The following SNTG1 variants were observed in gnomAD, a reference collection of about 807,000 sequenced individuals.
SNTG1 encodes the protein syntrophin gamma 1.
In SNTG1, 39 loss-of-function variants were observed where a neutral mutation model predicts 74.7. The observed-to-expected ratio is 0.52, with a 90% CI of 0.40 to 0.68. SNTG1 has a LOEUF of 0.68. SNTG1 is among the 30% of genes least tolerant of loss of function. The pLI is 0.00. For missense variants in SNTG1, 685 were observed against 609.5 expected, an observed-to-expected ratio of 1.12 and a Z score of -1.30; for synonymous variants, 254 against 217.1, an observed-to-expected ratio of 1.17 and a Z score of -1.49.
At chr8:50,633,999 T>C (rs2095022151) in intron 13 of SNTG1, among the ~76,000 whole-genome samples, 1 of 152,208 alleles carries the variant, frequency 6.6e-6, no homozygotes, top group Non-Finnish European at 1.5e-5. Context: ...GCTGCATATA[T>C]TCACAAAGTT....
In SNTG1 at chr8:50,783,790, C is replaced by T. The variant is rs376274029; in HGVS notation, c.1396-8881C>T. Among the ~76,000 whole-genome samples the T allele has an allele frequency of 1.3e-3, 205 of 152,294 alleles. 1 individual carries two copies. Among genetic ancestry groups the T allele is most frequent in the African/African-American group, 4.5e-3 (188 of 41,572 alleles). Reference sequence around the variant, plus strand: ...TGCAGAAATCACTGGTCTTCTGCGTCGCTCACGCTGGGAGCTGTAGACTGG... The same window carrying T: ...TGCAGAAATCACTGGTCTTCTGCGTTGCTCACGCTGGGAGCTGTAGACTGG... On this transcript the variant is annotated intron_variant, in intron 18 of 18. Coordinates refer to ENST00000642720, the MANE Select transcript of SNTG1 (RefSeq NM_018967.5).
intron 13 of SNTG1, among the ~76,000 whole-genome samples, chr8:50,627,446 T>G (rs922096398): frequency 4.1e-4 from 63 of 152,284 alleles, no homozygotes; most frequent in African/African-American, 1.4e-3. Context: ...CACAACAGCA[T>G]TTTGGAAGCA....
At chr8:50,773,129 C>T (rs1024003356) in intron 18 of SNTG1, among the ~76,000 whole-genome samples, 4 of 152,118 alleles carry the variant, frequency 2.6e-5, no homozygotes, top group African/African-American at 7.2e-5. Context: ...TACTTGACCT[C>T]ACTCAGACCT....
chr8:50,554,131 G>C (rs1014773146), intron 12 of SNTG1, among the ~76,000 whole-genome samples: 4 of 152,148 alleles, frequency 2.6e-5, no homozygotes, highest in Admixed American at 2.6e-4. Flanking sequence ...ACCTAAGAAA[G>C]GATTGTGGCC....
intron 8 of SNTG1, among the ~76,000 whole-genome samples, chr8:50,476,387 C>T (rs1323963684): frequency 6.6e-6 from 1 of 152,122 alleles, no homozygotes; most frequent in Non-Finnish European, 1.5e-5. Context: ...GAGGACTACT[C>T]TACTCAGCTG....
intron 1 of SNTG1, among the ~76,000 whole-genome samples, chr8:50,002,039 T>C (rs1384965096): frequency 1.3e-5 from 2 of 152,176 alleles, no homozygotes; most frequent in Non-Finnish European, 2.9e-5. Context: ...CTTCACCTAA[T>C]CAGGTTTGTC....
rs149954137 is a variant in SNTG1, at chr8:50,312,773, ACAATTT to A, written c.-27-81435_-27-81430del. ...TGTGAAACAAAAACCAGGGAACAAT[ACAATTT>A]CAACTATAAGGTTCTTCACTGGGCG... is the stretch of plus-strand genomic sequence containing the variant. On this transcript the variant is annotated intron_variant, in intron 2 of 18. Coordinates refer to ENST00000642720, the MANE Select transcript of SNTG1 (RefSeq NM_018967.5). Among the ~76,000 whole-genome samples, 984 of 150,258 alleles carry A rather than the reference ACAATTT, an allele frequency of 6.5e-3. 88 individuals are homozygous for A. The highest frequency in any genetic ancestry group is 0.023 in the African/African-American group (928 of 40,424).
chr8:50,698,792 T>A (rs137875901), intron 15 of SNTG1, among the ~76,000 whole-genome samples: 1 of 152,062 alleles, frequency 6.6e-6, no homozygotes, highest in Non-Finnish European at 1.5e-5. Flanking sequence ...CCAAGGTAGA[T>A]CTAGGGCTTA....
intron 9 of SNTG1, among the ~76,000 whole-genome samples, chr8:50,519,519 T>C (rs2094161859): frequency 6.6e-6 from 1 of 152,222 alleles, no homozygotes; most frequent in South Asian, 2.1e-4. Context: ...AAATTGTCTC[T>C]GTTTGCAGAT....
chr8:50,377,867 A>G (rs373336642), intron 2 of SNTG1, among the ~76,000 whole-genome samples: 2 of 152,250 alleles, frequency 1.3e-5, no homozygotes, highest in African/African-American at 2.4e-5. Flanking sequence ...TCAAAACTTC[A>G]TGACAACTTT....
intron 2 of SNTG1, among the ~76,000 whole-genome samples, chr8:50,234,759 T>C (rs2085804450): frequency 6.6e-6 from 1 of 152,086 alleles, no homozygotes; most frequent in Non-Finnish European, 1.5e-5. Context: ...TAAATTTATA[T>C]CACAAAGTGA....
chr8:50,173,000 C>G (rs1329332367), intron 2 of SNTG1, among the ~76,000 whole-genome samples: 1 of 79,706 alleles, frequency 1.3e-5, no homozygotes, highest in Non-Finnish European at 3.0e-5. Context: ...GGATCTGTGT[C>G]TCTTCATGAA....
chr8:50,508,880 C>G (rs1025296951), intron 9 of SNTG1, among the ~76,000 whole-genome samples: 4 of 152,130 alleles, frequency 2.6e-5, no homozygotes, highest in Non-Finnish European at 4.4e-5. Context: ...TGCCTGTTCA[C>G]TCTGATGGTG....
intron 16 of SNTG1, chr8:50,708,222 GA>G (rs2095450562): frequency 6.3e-6 from 1 of 159,350 alleles, no homozygotes; most frequent in Admixed American, 6.5e-5. Flanking sequence ...CCCCAAACAA[GA>G]AAAATTATAA....
At chr8:50,402,165 CTAAG>C in intron 3 of SNTG1, 41 bp from the exon 4 acceptor site, 3 of 1,570,486 alleles carry the variant, frequency 1.9e-6, no homozygotes, top group Non-Finnish European at 2.6e-6. Context: ...AACCTATAAA[CTAAG>C]TATAATTTTT....
At chr8:50,505,443 C>G (rs773260170) in intron 9 of SNTG1, among the ~76,000 whole-genome samples, 2 of 152,076 alleles carry the variant, frequency 1.3e-5, no homozygotes, top group Non-Finnish European at 2.9e-5. Context: ...TCATTTTACA[C>G]TCTTAAGTAA....
intron 16 of SNTG1, among the ~76,000 whole-genome samples, chr8:50,707,260 A>G (rs2095446400): frequency 1.3e-5 from 2 of 152,106 alleles, no homozygotes; most frequent in Non-Finnish European, 1.5e-5. Flanking sequence ...TGTTTAAATG[A>G]CAGTGCTTGA....
intron 1 of SNTG1, among the ~76,000 whole-genome samples, chr8:50,138,520 G>A (rs1176623534): frequency 6.6e-6 from 1 of 151,712 alleles, no homozygotes; most frequent in African/African-American, 2.4e-5. Flanking sequence ...AGCTACTCAG[G>A]AGGCTGAGGC....
chr8:50,240,351 A>G (rs1357666430), intron 2 of SNTG1, among the ~76,000 whole-genome samples: 1 of 152,222 alleles, frequency 6.6e-6, no homozygotes, highest in East Asian at 1.9e-4. Context: ...GCTTTTCTCA[A>G]TACCAGAATT....
Sources: gnomAD v4.1 joint callset for allele counts (sites outside exome capture counted in the v4.1 genomes callset) on GRCh38, gnomAD v4.1.1 for gene constraint, MANE v1.5 for transcripts, NCBI Gene and HGNC (gene_info 2026-07-23, HGNC 2026-07-21) for gene names.